The following MSN variants were observed in gnomAD, a reference collection of about 807,000 sequenced individuals.
The protein encoded by MSN is moesin, also known as epididymis luminal protein 70.
In MSN, 2 loss-of-function variants were observed where a neutral mutation model predicts 48.0. The ratio of observed to expected loss-of-function variants is 0.04; its 90% CI spans 0.02 to 0.13. The LOEUF is 0.13. MSN is among the 10% of genes least tolerant of loss of function. The pLI is 1.00. For synonymous variants in MSN, 146 were observed against 166.9 expected, an observed-to-expected ratio of 0.87 and a Z score of 0.97; for missense variants, 267 against 470.1, an observed-to-expected ratio of 0.57 and a Z score of 3.99.
chrX:65,663,258 CAA>C (rs59074461), upstream of MSN, among the ~76,000 whole-genome samples: 2 of 70,836 alleles, frequency 2.8e-5, no homozygotes. Flanking sequence ...AACTTTGTCT[CAA>C]AAAAAAAAAA....
intron 1 of MSN, among the ~76,000 whole-genome samples, chrX:65,700,079 G>A (rs1311911860): frequency 8.9e-6 from 1 of 112,013 alleles, no homozygotes; most frequent in African/African-American, 3.2e-5. Flanking sequence ...GTATACAAGT[G>A]AGCCAGAGAC....
At position 65,735,305 on chromosome X, in the gene MSN, G is replaced by A. The variant is rs770239555; in HGVS notation, c.834G>A (p.Lys278=). The change falls in exon 8 of 13, where the codon AAG becomes AAA. Residue 278 remains lysine (K), a synonymous_variant. Coordinates refer to ENST00000360270, the MANE Select transcript of MSN (RefSeq NM_002444.3). ...ATGCTCCCCGGCTGCGGATTAACAA[G>A]CGGATCTTGGCCTTGTGCATGGGGA... ...VFYAPRLRIN[K]RILALCMGNH... 97 of 1,209,441 alleles carry A rather than the reference G, an allele frequency of 8.0e-5. No homozygotes were observed. In the South Asian group the frequency reaches 9.9e-4, roughly 12 times the overall value.
chrX:65,690,167 G>T (rs761347070), intron 1 of MSN, among the ~76,000 whole-genome samples: 1 of 111,925 alleles, frequency 8.9e-6, no homozygotes, highest in Non-Finnish European at 1.9e-5. Context: ...CTCCCACAGG[G>T]AATTCTAACA....
At chrX:65,590,646 T>C (rs1335307951) in intron 1 of MSN, among the ~76,000 whole-genome samples, 1 of 111,730 alleles carries the variant, frequency 9.0e-6, no homozygotes, top group African/African-American at 3.3e-5. Flanking sequence ...GTGGGGATGC[T>C]GGCAGATGGG....
chrX:65,618,754 T>A (rs1211254127), intron 1 of MSN, among the ~76,000 whole-genome samples: 1 of 110,555 alleles, frequency 9.0e-6, no homozygotes, highest in African/African-American at 3.3e-5. Flanking sequence ...GTCATTATGA[T>A]GTTAGCTGGT....
chrX:65,597,955 T>A (rs1470691736), intron 1 of MSN, among the ~76,000 whole-genome samples: 4 of 111,655 alleles, frequency 3.6e-5, no homozygotes, highest in African/African-American at 1.3e-4. Context: ...AGGAGCCCGC[T>A]GGGCCTGTTA....
chrX:65,603,526 C>T (rs2070254884), intron 1 of MSN, among the ~76,000 whole-genome samples: 2 of 111,249 alleles, frequency 1.8e-5, no homozygotes, highest in African/African-American at 6.5e-5. Context: ...AGTAGTCTGA[C>T]CTCAAGCAGC....
At chrX:65,649,557 CAGAG>C (rs1158941860) in intron 1 of MSN, among the ~76,000 whole-genome samples, 3 of 94,146 alleles carry the variant, frequency 3.2e-5, no homozygotes, top group South Asian at 4.9e-4. Context: ...GCCTAGGTGA[CAGAG>C]AGAGACTCTA....
chrX:65,636,126 A>G (rs1283042172), intron 1 of MSN, among the ~76,000 whole-genome samples: 1 of 111,484 alleles, frequency 9.0e-6, no homozygotes, highest in African/African-American at 3.3e-5. Flanking sequence ...TGGGCAATCT[A>G]GCTTCTATAC....
chrX:65,612,180 G>A (rs1385026218), intron 1 of MSN, among the ~76,000 whole-genome samples: 6 of 107,124 alleles, frequency 5.6e-5, no homozygotes, highest in Non-Finnish European at 3.8e-5. Flanking sequence ...TAACACAGGA[G>A]TGGGTTTGTT....
At chrX:65,724,213 C>T (rs892515692) in intron 2 of MSN, among the ~76,000 whole-genome samples, 3 of 108,186 alleles carry the variant, frequency 2.8e-5, no homozygotes, top group Admixed American at 2.0e-4. Flanking sequence ...GGCGCGATCT[C>T]GGCTCACTGC....
At chrX:65,732,036 T>C (rs758660810) in intron 6 of MSN, 52 bp downstream of exon 6, 1 of 1,141,659 alleles carries the variant, frequency 8.8e-7, no homozygotes, top group East Asian at 3.0e-5. Context: ...CATCTAGGGC[T>C]CACTTTTCAC....
intron 1 of MSN, among the ~76,000 whole-genome samples, chrX:65,698,816 G>T (rs761400464): frequency 8.9e-6 from 1 of 112,220 alleles, no homozygotes; most frequent in Admixed American, 9.4e-5. Context: ...TTTCTACTGT[G>T]GGAATAGCTG....
intron 1 of MSN, chrX:65,625,276 A>G (rs1164781115): frequency 8.9e-6 from 1 of 112,014 alleles, no homozygotes; most frequent in East Asian, 2.8e-4. Context: ...CTGTTGTTGA[A>G]TGGAGTGTTC....
intron 1 of MSN, among the ~76,000 whole-genome samples, chrX:65,607,343 G>A (rs1251240904): frequency 6.3e-5 from 7 of 111,586 alleles, no homozygotes; most frequent in Non-Finnish European, 7.5e-5. Flanking sequence ...CTGACCCAGA[G>A]GGAGATCTTG....
chrX:65,671,040 A>T (rs1341013974), intron 1 of MSN, among the ~76,000 whole-genome samples: 1 of 100,339 alleles, frequency 1.0e-5, no homozygotes, highest in Non-Finnish European at 2.0e-5. Flanking sequence ...TGGATTTCCT[A>T]AAAAAAGAGT....
At position 65,735,272 on chromosome X, in the gene MSN, C is replaced by T. The variant is rs2071663655; in HGVS notation, c.801C>T (p.Phe267=). Residue 267 remains phenylalanine (F), a synonymous_variant, in exon 8 of 13, where the codon TTC becomes TTT. Coordinates refer to ENST00000360270, the MANE Select transcript of MSN (RefSeq NM_002444.3). ...IKPIDKKAPD[F]VFYAPRLRIN... ...GATTGCTGATTTCCCACCAGGACTT[C>T]GTCTTCTATGCTCCCCGGCTGCGGA... The T allele has an allele frequency of 1.7e-6, 2 of 1,208,020 alleles. No individual in the cohort carries two copies. Among genetic ancestry groups the T allele is most frequent in the South Asian group, 1.8e-5 (1 of 56,638 alleles).
chrX:65,648,414 G>A (rs965777044), intron 1 of MSN, among the ~76,000 whole-genome samples: 2 of 111,372 alleles, frequency 1.8e-5, no homozygotes, highest in Non-Finnish European at 3.8e-5. Flanking sequence ...TTAGCCGGGC[G>A]TGGTCGTGGG....
At chrX:65,630,253 A>G (rs2070545677) in intron 1 of MSN, among the ~76,000 whole-genome samples, 1 of 110,763 alleles carries the variant, frequency 9.0e-6, no homozygotes, top group Non-Finnish European at 1.9e-5. Context: ...CACTATCAAA[A>G]TGTAAAACAT....
Sources: allele counts gnomAD v4.1 joint callset (sites outside exome capture counted in the v4.1 genomes callset), GRCh38; gene constraint gnomAD v4.1.1; transcripts MANE v1.5; gene names NCBI Gene and HGNC (gene_info 2026-07-23, HGNC 2026-07-21).